MRPL45: variants seen among roughly 807,000 people sequenced by gnomAD.
MRPL45 encodes the protein large ribosomal subunit protein mL45.
MRPL45 carries 20 observed loss-of-function variants against 38.1 expected under a neutral mutation model. The observed-to-expected ratio is 0.53, with a 90% CI of 0.37 to 0.76. The LOEUF (loss-of-function observed/expected upper bound fraction) is 0.76. Among genes scored for constraint, MRPL45 ranks in the 30% least tolerant of loss-of-function variants. The probability of loss-of-function intolerance (pLI) is 0.00; values close to 1 mark genes in which losing one functional copy is unlikely to be tolerated. For missense variants in MRPL45, 337 were observed against 395.6 expected (o/e 0.85, Z 1.26); for synonymous variants, 105 against 128.8 (o/e 0.82, Z 1.25).
intron 5 of MRPL45, among the ~76,000 whole-genome samples, chr17:38,319,105 G>C (rs1256177355): frequency 6.6e-6 from 1 of 151,038 alleles, no homozygotes; most frequent in Non-Finnish European, 1.5e-5. Context: ...GCGCTATCTC[G>C]GCTCACTGCA....
rs2037165170 is a variant in MRPL45 at position 38,315,530 on chromosome 17, A to G, written c.462-3157A>G. Among the ~76,000 whole-genome samples, 3 of 151,220 alleles carry G rather than the reference A, an allele frequency of 2.0e-5. No individual in the cohort carries two copies. The South Asian group carries it at 6.3e-4, about 32-fold the overall frequency. On this transcript the variant is annotated intron_variant, in intron 4 of 7. Coordinates refer to ENST00000613675, the MANE Select transcript of MRPL45 (RefSeq NM_032351.6). ...GTGATCCTCTTGCCTCTGCCTCCCAATGTGTTGGGATTATAGGCATGAGCT... is the reference window on the plus strand; with the variant it reads ...GTGATCCTCTTGCCTCTGCCTCCCAGTGTGTTGGGATTATAGGCATGAGCT...
chr17:38,317,393 G>GC (rs1362508213), intron 4 of MRPL45, among the ~76,000 whole-genome samples: 1 of 152,158 alleles, frequency 6.6e-6, no homozygotes, highest in Non-Finnish European at 1.5e-5. Flanking sequence ...GGCTTAGAGA[G>GC]CAAGATTTTT....
At chr17:38,312,381 A>G (rs188553016) in intron 4 of MRPL45, among the ~76,000 whole-genome samples, 24 of 152,106 alleles carry the variant, frequency 1.6e-4, no homozygotes, top group Admixed American at 1.4e-3. Context: ...ATAATATTTC[A>G]TTGTATGTAT....
intron 4 of MRPL45, among the ~76,000 whole-genome samples, chr17:38,313,350 ATATATATATATATATACG>A (rs2037141897): frequency 2.2e-4 from 4 of 18,448 alleles, no homozygotes; most frequent in East Asian, 1.0e-3. Context: ...ATATATACGT[ATATATATATATATATACG>A]TATATATATA....
intron 3 of MRPL45, among the ~76,000 whole-genome samples, chr17:38,306,206 G>A (rs1043687508): frequency 5.4e-4 from 82 of 151,676 alleles, no homozygotes; most frequent in African/African-American, 1.6e-3. Context: ...TCAGGAGATC[G>A]AGACCATCCT....
At chr17:38,306,225 C>T (rs1194830871) in intron 3 of MRPL45, among the ~76,000 whole-genome samples, 14 of 150,862 alleles carry the variant, frequency 9.3e-5, no homozygotes, top group African/African-American at 1.5e-4. Flanking sequence ...CTGGCTAACA[C>T]GGTGAAACCC....
At chr17:38,308,969 C>G (rs1399726660) in intron 4 of MRPL45, among the ~76,000 whole-genome samples, 3 of 151,306 alleles carry the variant, frequency 2.0e-5, no homozygotes, top group Non-Finnish European at 4.4e-5. Context: ...TGCAGTAGCG[C>G]AATCTCGACT....
chr17:38,321,060 T>C (rs966749881), intron 6 of MRPL45, among the ~76,000 whole-genome samples: 3 of 152,010 alleles, frequency 2.0e-5, no homozygotes, highest in African/African-American at 2.4e-5. Context: ...CACTGCAGCC[T>C]CAACCTCCTG....
intron 4 of MRPL45, among the ~76,000 whole-genome samples, chr17:38,307,886 T>G (rs9900453): frequency 2.0e-5 from 3 of 151,742 alleles, no homozygotes; most frequent in African/African-American, 7.3e-5. Flanking sequence ...TGGGATGTCG[T>G]GATGTTGCCC....
chr17:38,311,739 A>G (rs2037114490), intron 4 of MRPL45, among the ~76,000 whole-genome samples: 1 of 149,702 alleles, frequency 6.7e-6, no homozygotes, highest in Admixed American at 6.7e-5. Flanking sequence ...CCTTCCACCC[A>G]CTGACGACAC....
intron 3 of MRPL45, among the ~76,000 whole-genome samples, chr17:38,303,112 T>C (rs577132382): frequency 6.6e-6 from 1 of 152,200 alleles, no homozygotes; most frequent in African/African-American, 2.4e-5. Context: ...AATCAAATTC[T>C]CTATATTGTT....
chr17:38,322,512 G>C lies in MRPL45; in HGVS notation c.838G>C (p.Val280Leu). The change falls in exon 8 of 8, where the codon GTG becomes CTG. Residue 280 changes from valine to leucine, a missense_variant. Around this residue, in one of 3 missense-constraint regions of MRPL45, gnomAD observed 251 missense variants for 269.1 expected, o/e 0.93. Coordinates refer to ENST00000613675, the MANE Select transcript of MRPL45 (RefSeq NM_032351.6). ...ACCTGGCGTCCTACTCTTTCAGACG[G>C]TGATGATCCCTGGCCCTCAGCTGAA... Reference protein sequence around the residue: ...APPKQPILKTVMIPGPQLKPE... With the variant: ...APPKQPILKTLMIPGPQLKPE... The C allele has an allele frequency of 6.2e-7, 1 of 1,613,358 alleles. No homozygotes were observed. Among genetic ancestry groups the C allele is most frequent in the Non-Finnish European group, 8.5e-7 (1 of 1,179,876 alleles).
intron 4 of MRPL45, among the ~76,000 whole-genome samples, chr17:38,309,617 A>G (rs2037090523): frequency 2.9e-5 from 1 of 33,906 alleles, no homozygotes; most frequent in Non-Finnish European, 9.8e-5. Context: ...TTAAATTTTT[A>G]TTTTTATTTT....
intron 3 of MRPL45, among the ~76,000 whole-genome samples, chr17:38,304,336 C>T (rs1320804816): frequency 6.6e-6 from 1 of 152,026 alleles, no homozygotes. Context: ...ATTAGCCAAG[C>T]GTGGTAGTGC....
chr17:38,309,618 T>G (rs1014723694), intron 4 of MRPL45, among the ~76,000 whole-genome samples: 1 of 34,548 alleles, frequency 2.9e-5, no homozygotes, highest in East Asian at 1.1e-3. Flanking sequence ...TAAATTTTTA[T>G]TTTTATTTTT....
intron 1 of MRPL45, among the ~76,000 whole-genome samples, chr17:38,297,922 C>T (rs1362911707): frequency 6.6e-6 from 1 of 152,134 alleles, no homozygotes; most frequent in Non-Finnish European, 1.5e-5. Context: ...ACATATAAGA[C>T]CTGGTCTTTA....
chr17:38,304,302 T>C (rs2037029069), intron 3 of MRPL45, among the ~76,000 whole-genome samples: 2 of 152,086 alleles, frequency 1.3e-5, no homozygotes, highest in Admixed American at 6.6e-5. Flanking sequence ...ACCTTGTCTC[T>C]ACAAAAACTA....
chr17:38,321,028 G>A (rs2037224934), intron 6 of MRPL45, among the ~76,000 whole-genome samples: 1 of 151,910 alleles, frequency 6.6e-6, no homozygotes, highest in Non-Finnish European at 1.5e-5. Context: ...CCAGGCTGGA[G>A]TGCAGTGATG....
At position 38,322,884 on chromosome 17, in the gene MRPL45, G is replaced by T. The variant is rs1007250193; in HGVS notation, c.*289G>T. 2 of 357,382 alleles carry T rather than the reference G, an allele frequency of 5.6e-6. No individual in the cohort carries two copies. Among genetic ancestry groups the T allele is most frequent in the Non-Finnish European group, 1.0e-5 (2 of 195,422 alleles). The allele number at this position is 357,382 out of a possible 1,614,324, so 22.1% of individuals were successfully genotyped here. A position where few individuals can be genotyped will look rare whatever the true frequency, so the allele number is the denominator to read the frequency against. On this transcript the variant is annotated 3_prime_UTR_variant, in exon 8 of 8. Transcript: ENST00000613675. ...ACATTGGATATCAGTTTTTCCCACA[G>T]CAGGGACTGTGAGAGACAACCAGCA...
Sources: gnomAD v4.1 joint callset for allele counts (sites outside exome capture counted in the v4.1 genomes callset) on GRCh38, gnomAD v4.1.1 for gene constraint, gnomAD v4.1.1 regional missense constraint, MANE v1.5 for transcripts, NCBI Gene and HGNC (gene_info 2026-07-23, HGNC 2026-07-21) for gene names.